NEDD9: variants seen among roughly 807,000 people sequenced by gnomAD.
NEDD9 encodes neural precursor cell expressed, developmentally down-regulated 9.
NEDD9 carries 26 observed loss-of-function variants against 76.6 expected under a neutral mutation model. That is an observed-to-expected ratio of 0.34 (90% CI 0.25 to 0.47). The LOEUF is 0.47. Among genes scored for constraint, NEDD9 ranks in the 20% least tolerant of loss-of-function variants. The pLI is 1.00. For missense variants in NEDD9, 937 were observed against 1,058.5 expected, an observed-to-expected ratio of 0.89 and a Z score of 1.59; for synonymous variants, 392 against 414.2, an observed-to-expected ratio of 0.95 and a Z score of 0.65.
chr6:11,331,646 C>A (rs1184903882), intron 2 of NEDD9, among the ~76,000 whole-genome samples: 4 of 152,138 alleles, frequency 2.6e-5, no homozygotes, highest in Admixed American at 2.0e-4. Flanking sequence ...GGTGCTCCAT[C>A]TCCTTCCAAA....
In NEDD9 at chr6:11,192,359, G is replaced by T; in HGVS notation, c.649C>A (p.Pro217Thr). Residue 217 changes from proline (P) to threonine (T), a missense_variant, in exon 4 of 7, where the codon CCG becomes ACG. By Grantham distance (38) the Pro-to-Thr change is conservative. Coordinates refer to ENST00000379446, the MANE Select transcript of NEDD9 (RefSeq NM_006403.4). The stretch of plus-strand genomic sequence containing the variant: ...CACTCACTCACCCCTTTTGTAGGCG[G>T]GATGTCATACACCCCTTGAGGTTTT... The part of the protein sequence containing the change: ...EIKPQGVYDI[P>T]PTKGVYAIPP... 6.3e-7 allele frequency: 1 copy of T among 1,591,440 alleles called. No homozygotes were observed. The highest frequency in any genetic ancestry group is 8.5e-7 in the Non-Finnish European group (1 of 1,171,440).
intron 2 of NEDD9, among the ~76,000 whole-genome samples, chr6:11,321,446 A>C (rs1448878766): frequency 6.6e-6 from 1 of 152,230 alleles, no homozygotes; most frequent in Non-Finnish European, 1.5e-5. Context: ...CAGGACAGAC[A>C]TACAATTGCT....
chr6:11,197,521 C>T (rs994185142), intron 2 of NEDD9, among the ~76,000 whole-genome samples: 5 of 152,122 alleles, frequency 3.3e-5, no homozygotes, highest in African/African-American at 9.7e-5. Context: ...TTCTCAGTAA[C>T]TAACGGGAGG....
chr6:11,264,324 C>T (rs546233679), intron 3 of NEDD9, among the ~76,000 whole-genome samples: 7 of 152,150 alleles, frequency 4.6e-5, no homozygotes, highest in Non-Finnish European at 1.0e-4. Context: ...GAGGAAGAAT[C>T]AGGGCTCTGT....
At chr6:11,251,892 G>C (rs1759921635) in intron 3 of NEDD9, among the ~76,000 whole-genome samples, 1 of 152,130 alleles carries the variant, frequency 6.6e-6, no homozygotes, top group Non-Finnish European at 1.5e-5. Context: ...CTGAATGCTG[G>C]GGATTCTGTG....
At chr6:11,242,253 C>T (rs1431209988) in intron 3 of NEDD9, among the ~76,000 whole-genome samples, 2 of 152,154 alleles carry the variant, frequency 1.3e-5, no homozygotes, top group Non-Finnish European at 2.9e-5. Flanking sequence ...CTTGAAGTCT[C>T]GCTCACTGGT....
intron 2 of NEDD9, among the ~76,000 whole-genome samples, chr6:11,334,020 A>T (rs1416154093): frequency 1.3e-5 from 2 of 152,216 alleles, no homozygotes; most frequent in East Asian, 1.9e-4. Flanking sequence ...ATACCCCATC[A>T]GCTAATTAAT....
At chr6:11,217,010 T>C (rs1758973254) in intron 1 of NEDD9, among the ~76,000 whole-genome samples, 1 of 152,244 alleles carries the variant, frequency 6.6e-6, no homozygotes, top group Non-Finnish European at 1.5e-5. Flanking sequence ...TCAAGGGAAC[T>C]TCTGAGACAA....
At chr6:11,202,341 A>G (rs1360892626) in intron 2 of NEDD9, among the ~76,000 whole-genome samples, 1 of 152,212 alleles carries the variant, frequency 6.6e-6, no homozygotes, top group Non-Finnish European at 1.5e-5. Context: ...TTTCACTTAA[A>G]TGCCCTTGAA....
chr6:11,185,654 C>A lies in NEDD9; in HGVS notation c.2013G>T (p.Leu671=). 1 of 1,614,200 alleles carries A rather than the reference C, an allele frequency of 6.2e-7. No homozygotes were observed. The highest frequency in any genetic ancestry group is 8.5e-7 in the Non-Finnish European group (1 of 1,180,024). The change falls in exon 7 of 7, where the codon CTG becomes CTT. Residue 671 remains leucine, a synonymous_variant. Coordinates refer to ENST00000379446, the MANE Select transcript of NEDD9 (RefSeq NM_006403.4). ...CGGGCTTTGTAATCTCTTGTTCCAA[C>A]AGCTGGAACTGGCTCAGCTGCAAGG... ...LEHHQLSQFQ[L]LEQEITKPVE...
rs1257411764 is a variant in NEDD9 at position 11,238,850 on chromosome 6, G to T, written c.13-25123C>A. On this transcript the variant is annotated intron_variant, in intron 3 of 3. Transcript: ENST00000397378. ...GCAGTAGGCTTAGTATGAGGCTATG[G>T]AATCTACCCGTTTAAAGTGATCTTC... Among the ~76,000 whole-genome samples, 3 of 152,250 alleles carry T rather than the reference G, an allele frequency of 2.0e-5. No homozygotes were observed. In the East Asian group the frequency reaches 5.8e-4, roughly 29 times the overall value.
At chr6:11,313,860 T>TA in intron 2 of NEDD9, among the ~76,000 whole-genome samples, 1 of 152,260 alleles carries the variant, frequency 6.6e-6, no homozygotes, top group South Asian at 2.1e-4. Flanking sequence ...TGTTAAAAAA[T>TA]AAAAAATTTA....
At chr6:11,325,804 G>A (rs1212609031) in intron 2 of NEDD9, among the ~76,000 whole-genome samples, 2 of 152,158 alleles carry the variant, frequency 1.3e-5, no homozygotes, top group African/African-American at 4.8e-5. Flanking sequence ...ACATTAAAAA[G>A]GAGTCATTTT....
At chr6:11,361,522 A>G (rs1762679750) in intron 1 of NEDD9, among the ~76,000 whole-genome samples, 2 of 152,108 alleles carry the variant, frequency 1.3e-5, no homozygotes, top group African/African-American at 2.4e-5. Context: ...AGACCTCACT[A>G]TCACAAATAC....
intron 1 of NEDD9, among the ~76,000 whole-genome samples, chr6:11,376,931 T>C (rs777674007): frequency 3.2e-4 from 48 of 152,362 alleles, no homozygotes; most frequent in Middle Eastern, 3.4e-3. Context: ...AGCTTCAGAC[T>C]CTGGCTTCAG....
chr6:11,299,649 G>A (rs1760990568), intron 3 of NEDD9, among the ~76,000 whole-genome samples: 1 of 152,200 alleles, frequency 6.6e-6, no homozygotes, highest in African/African-American at 2.4e-5. Context: ...CTGGGACGAA[G>A]CTTCCAGAGG....
intron 3 of NEDD9, among the ~76,000 whole-genome samples, chr6:11,263,818 C>A (rs1443992183): frequency 6.6e-6 from 1 of 152,124 alleles, no homozygotes; most frequent in Non-Finnish European, 1.5e-5. Flanking sequence ...TGTTCTTAGT[C>A]CTAACCCAAA....
intron 3 of NEDD9, among the ~76,000 whole-genome samples, chr6:11,262,020 A>G (rs1315112234): frequency 6.6e-6 from 1 of 152,152 alleles, no homozygotes; most frequent in Non-Finnish European, 1.5e-5. Flanking sequence ...ACTTTGGAGA[A>G]TTTCTTTTAA....
intron 3 of NEDD9, among the ~76,000 whole-genome samples, chr6:11,239,700 A>G (rs1759672770): frequency 6.6e-6 from 1 of 152,190 alleles, no homozygotes. Context: ...CGTTAGCAAC[A>G]GTGTCCTAGG....
Sources: gnomAD v4.1 joint callset for allele counts (sites outside exome capture counted in the v4.1 genomes callset) on GRCh38, gnomAD v4.1.1 for gene constraint, MANE v1.5 for transcripts, NCBI Gene and HGNC (gene_info 2026-07-23, HGNC 2026-07-21) for gene names.